Variants in DCAF8L2 observed in about 807,000 individuals in gnomAD.
DCAF8L2 encodes DDB1 and CUL4 associated factor 8 like 2.
For missense variants in DCAF8L2, 430 were observed against 490.7 expected (o/e 0.88, Z 1.17); for synonymous variants, 200 against 190.9 (o/e 1.05, Z -0.39).
the DCAF8L2 span, among the ~76,000 whole-genome samples, chrX:27,511,667 T>C: frequency 1.6e-4 from 18 of 112,255 alleles, no homozygotes; most frequent in Non-Finnish European, 3.4e-4. Context: ...CATAGCAACC[T>C]TGAGGAAAGT....
rs746651410 is a variant in DCAF8L2 at position 27,625,231 on chromosome X, A to G, written c.-341-6648A>G. On this transcript the variant is annotated intron_variant, in intron 1 of 4. Transcript: ENST00000451261. Reference sequence around the variant, plus strand: ...AAAAGAAGGCATTCAGGTGGCCAACAAGCATATGAAAAAGTGCTCAACATC... The same window carrying G: ...AAAAGAAGGCATTCAGGTGGCCAACGAGCATATGAAAAAGTGCTCAACATC... Among the ~76,000 whole-genome samples, 7 of 112,357 alleles carry G rather than the reference A, an allele frequency of 6.2e-5. No homozygotes were observed. The East Asian group carries it at 1.7e-3, about 27-fold the overall frequency.
At chrX:27,708,262 C>T (rs1931407647) in intron 3 of DCAF8L2, among the ~76,000 whole-genome samples, 1 of 111,857 alleles carries the variant, frequency 8.9e-6, no homozygotes, top group African/African-American at 3.3e-5. Context: ...GCTATTGTTT[C>T]CTGCATTAAT....
At chrX:27,472,309 C>T in the DCAF8L2 span, among the ~76,000 whole-genome samples, 1 of 111,844 alleles carries the variant, frequency 8.9e-6, no homozygotes, top group South Asian at 3.8e-4. Flanking sequence ...ACATAGAGGA[C>T]AATTAGATAT....
the DCAF8L2 span, among the ~76,000 whole-genome samples, chrX:27,564,542 A>G: frequency 9.2e-6 from 1 of 109,150 alleles, no homozygotes; most frequent in African/African-American, 3.3e-5. Flanking sequence ...ACACATGCAC[A>G]CACACACACA....
At chrX:27,472,817 C>T in the DCAF8L2 span, among the ~76,000 whole-genome samples, 1 of 111,679 alleles carries the variant, frequency 9.0e-6, no homozygotes, top group Non-Finnish European at 1.9e-5. Context: ...GTTATGTTTG[C>T]TTTAAATAGA....
At chrX:27,574,613 A>G in the DCAF8L2 span, among the ~76,000 whole-genome samples, 1 of 112,092 alleles carries the variant, frequency 8.9e-6, no homozygotes, top group Non-Finnish European at 1.9e-5. Flanking sequence ...TAGCCATCCC[A>G]TGTAGTGTAG....
intron 2 of DCAF8L2, among the ~76,000 whole-genome samples, chrX:27,649,895 G>C (rs1018192781): frequency 2.7e-5 from 3 of 111,664 alleles, no homozygotes; most frequent in African/African-American, 9.8e-5. Flanking sequence ...GCATAGAATG[G>C]TGCTTCTCAA....
chrX:27,559,438 C>A, the DCAF8L2 span, among the ~76,000 whole-genome samples: 1 of 112,243 alleles, frequency 8.9e-6, no homozygotes, highest in African/African-American at 3.2e-5. Context: ...AAGGGGCCCA[C>A]TGTAGTCAAC....
At chrX:27,736,522 G>A (rs761835018) in intron 4 of DCAF8L2, among the ~76,000 whole-genome samples, 36 of 111,725 alleles carry the variant, frequency 3.2e-4, no homozygotes, top group Middle Eastern at 4.6e-3. Flanking sequence ...AAGTATTACC[G>A]GCATTTTATA....
chrX:27,493,868 T>G, the DCAF8L2 span, among the ~76,000 whole-genome samples: 1 of 111,404 alleles, frequency 9.0e-6, no homozygotes, highest in Non-Finnish European at 1.9e-5. Context: ...GTTTGTGGGC[T>G]TTTGTTTCTG....
the DCAF8L2 span, among the ~76,000 whole-genome samples, chrX:27,563,258 ATCTT>A: frequency 1.8e-5 from 2 of 111,352 alleles, no homozygotes; most frequent in African/African-American, 3.3e-5. Context: ...CCACCTATCC[ATCTT>A]TCTTTCTTTC....
chrX:27,591,016 A>ATATAT (rs1569153314), intron 1 of DCAF8L2, among the ~76,000 whole-genome samples: 4 of 44,741 alleles, frequency 8.9e-5, no homozygotes, highest in South Asian at 1.7e-3. Context: ...TATATATATA[A>ATATAT]ATAAATAATT....
At chrX:27,588,799 G>A (rs938092126), upstream of DCAF8L2, among the ~76,000 whole-genome samples, 1 of 110,272 alleles carries the variant, frequency 9.1e-6, no homozygotes, top group African/African-American at 3.3e-5. Context: ...AGATGGGGAA[G>A]AGGAGTTCAT....
In DCAF8L2 at chrX:27,704,414, C is replaced by T. The variant is rs59835107; in HGVS notation, c.-142-11674C>T. On this transcript the variant is annotated intron_variant, in intron 3 of 4. Coordinates refer to ENST00000451261, the MANE Select transcript of DCAF8L2 (RefSeq NM_001353450.2). The stretch of plus-strand genomic sequence containing the variant: ...ATTATTCTAAATAAAATATGCCATA[C>T]ACAGAAAGAAACATAGTGTATTATC... 6.0e-4 allele frequency among the ~76,000 whole-genome samples: 65 copies of T among 108,402 alleles called. 1 individual carries two copies. The highest frequency in any genetic ancestry group is 2.2e-3 in the African/African-American group (64 of 29,452). 94.1% of individuals were successfully genotyped at this position (108,402 alleles called of 115,157 possible).
the DCAF8L2 span, among the ~76,000 whole-genome samples, chrX:27,547,663 A>G: frequency 9.0e-6 from 1 of 110,725 alleles, no homozygotes; most frequent in African/African-American, 3.3e-5. Flanking sequence ...CTCACTCAAA[A>G]TCGGGAGAAC....
the DCAF8L2 span, among the ~76,000 whole-genome samples, chrX:27,544,011 A>C: frequency 1.8e-5 from 2 of 112,246 alleles, no homozygotes; most frequent in African/African-American, 6.5e-5. Flanking sequence ...GCATTGATAC[A>C]GCCAGGTTTT....
At chrX:27,568,357 T>C in the DCAF8L2 span, among the ~76,000 whole-genome samples, 1 of 111,729 alleles carries the variant, frequency 9.0e-6, no homozygotes, top group East Asian at 2.8e-4. Flanking sequence ...GTTTTACCTC[T>C]GCCCATGGCA....
At chrX:27,573,847 TTCTCTC>T in the DCAF8L2 span, among the ~76,000 whole-genome samples, 1 of 107,789 alleles carries the variant, frequency 9.3e-6, no homozygotes, top group Non-Finnish European at 1.9e-5. Flanking sequence ...ATGCACTTCT[TTCTCTC>T]TCTCTCTCTC....
At chrX:27,526,131 G>A in the DCAF8L2 span, among the ~76,000 whole-genome samples, 7 of 111,832 alleles carry the variant, frequency 6.3e-5, no homozygotes, top group Non-Finnish European at 1.3e-4. Flanking sequence ...TTTCCAACTT[G>A]GTTCCATTCT....
Sources: allele counts gnomAD v4.1 joint callset (sites outside exome capture counted in the v4.1 genomes callset), GRCh38; gene constraint gnomAD v4.1.1; transcripts MANE v1.5; gene names NCBI Gene and HGNC (gene_info 2026-07-23, HGNC 2026-07-21).